Variants in LOXL3 observed in about 807,000 individuals in gnomAD.
The protein encoded by LOXL3 is lysyl oxidase homolog 3.
A neutral mutation model predicts 91.8 loss-of-function variants in LOXL3; 60 were observed. The ratio of observed to expected loss-of-function variants is 0.65; its 90% CI spans 0.53 to 0.81. The LOEUF is 0.81. LOXL3 is among the 30% of genes least tolerant of loss of function. LOXL3 has a pLI of 0.00. For missense variants in LOXL3, 874 were observed against 1,000.4 expected, an observed-to-expected ratio of 0.87 and a Z score of 1.70; for synonymous variants, 355 against 387.6, an observed-to-expected ratio of 0.92 and a Z score of 0.99.
At chr2:74,541,740 G>A (rs1008418844) in intron 4 of LOXL3, among the ~76,000 whole-genome samples, 3 of 151,256 alleles carry the variant, frequency 2.0e-5, no homozygotes, top group Non-Finnish European at 4.4e-5. Context: ...ATTATTTAAG[G>A]ACCTTATATC....
At chr2:74,542,718 T>C (rs1676395015) in intron 4 of LOXL3, among the ~76,000 whole-genome samples, 1 of 151,798 alleles carries the variant, frequency 6.6e-6, no homozygotes, top group African/African-American at 2.4e-5. Flanking sequence ...CTCCGCCTCC[T>C]GGGCTCAGCA....
chr2:74,543,760 G>C (rs1676447475), intron 4 of LOXL3, among the ~76,000 whole-genome samples: 1 of 151,444 alleles, frequency 6.6e-6, no homozygotes, highest in Non-Finnish European at 1.5e-5. Context: ...AATTAGCTGG[G>C]CATGGTGGCG....
At position 74,549,255 on chromosome 2, in the gene LOXL3, G is replaced by T. The variant is rs1676826717; in HGVS notation, c.692+114C>A. ...CAACGGCCTCCATATTTTCCCGCGC[G>T]TCCCGACCCCCGGGTCCTCCCGTGC... On this transcript the variant is annotated intron_variant, in intron 4 of 13. Transcript: ENST00000264094. This position sits in a 1 kb window ranked among gnomAD's most constrained non-coding sequence, Gnocchi z 5.3. 2 of 1,228,240 alleles carry T rather than the reference G, an allele frequency of 1.6e-6. No homozygotes were observed. Among genetic ancestry groups the T allele is most frequent in the Admixed American group, 3.1e-5 (1 of 32,136 alleles). 76.1% of individuals were successfully genotyped at this position (1,228,240 alleles called of 1,614,324 possible).
At chr2:74,553,612 G>C (rs1677170809) in intron 1 of LOXL3, among the ~76,000 whole-genome samples, 2 of 152,316 alleles carry the variant, frequency 1.3e-5, no homozygotes, top group Admixed American at 6.5e-5. Context: ...GCTTTGTTCT[G>C]GGTTGGGGAC....
In LOXL3 at chr2:74,536,121, G is replaced by A. The variant is rs114785633; in HGVS notation, c.1123C>T (p.Arg375Cys). Reference sequence around the variant, plus strand: ...AGGGAGAGCTCCTGTCCAGAGCAGCGAACTTCACTCAGGTGGATAGCACCC... The same window carrying A: ...AGGGAGAGCTCCTGTCCAGAGCAGCAAACTTCACTCAGGTGGATAGCACCC... Reference protein sequence around the residue: ...GMGAIHLSEVRCSGQELSLWK... With the variant: ...GMGAIHLSEVCCSGQELSLWK... Residue 375 changes from arginine to cysteine, a missense_variant, in exon 7 of 14, where the codon CGC (arginine) becomes TGC (cysteine). Coordinates refer to ENST00000264094, the MANE Select transcript of LOXL3 (RefSeq NM_032603.5). This position sits in a 1 kb window ranked among gnomAD's most constrained non-coding sequence, Gnocchi z 4.5. 1.0e-3 allele frequency: 1,625 copies of A among 1,613,912 alleles called. 15 individuals are homozygous for A. In the African/African-American group the frequency reaches 0.014, roughly 14 times the overall value.
rs116036822 is a variant in LOXL3, at chr2:74,550,881, C to T, written c.314-533G>A. 4.9e-3 allele frequency among the ~76,000 whole-genome samples: 750 copies of T among 151,640 alleles called. 9 individuals are homozygous for T. The highest frequency in any genetic ancestry group is 0.017 in the African/African-American group (711 of 41,310). On this transcript the variant is annotated intron_variant, in intron 2 of 13. Transcript: ENST00000264094. Reference sequence around the variant, plus strand: ...ACATCCTTGCATTCTCTCTTGTGCCCGCCCTGTCTGTGCTGCCATATAGCC... The same window carrying T: ...ACATCCTTGCATTCTCTCTTGTGCCTGCCCTGTCTGTGCTGCCATATAGCC...
rs1676885283 is a variant in LOXL3, at chr2:74,549,834, G to T, written c.478-251C>A. ...AGGAAGGAGGCCCTCCCTGTGCCTGGAGCAGGAGGGAGCACTTCAAAAAGG... is the reference window on the plus strand; with the variant it reads ...AGGAAGGAGGCCCTCCCTGTGCCTGTAGCAGGAGGGAGCACTTCAAAAAGG... On this transcript the variant is annotated intron_variant, in intron 3 of 13. Transcript: ENST00000264094. This position sits in a 1 kb window ranked among gnomAD's most constrained non-coding sequence, Gnocchi z 5.3. 1.0e-6 allele frequency: 1 copy of T among 985,434 alleles called. No individual in the cohort carries two copies. The highest frequency in any genetic ancestry group is 1.7e-5 in the African/African-American group (1 of 57,368). The allele number at this position is 985,434 out of a possible 1,614,324, so 61.0% of individuals were successfully genotyped here. A position where few individuals can be genotyped will look rare whatever the true frequency, so the allele number is the denominator to read the frequency against.
upstream of LOXL3, chr2:74,554,459 A>G (rs981533047): frequency 8.2e-6 from 4 of 490,618 alleles, no homozygotes; most frequent in African/African-American, 6.2e-5. The surrounding 1 kb of genome is among the most constrained non-coding windows in gnomAD (Gnocchi z 4.9). Flanking sequence ...ATATGACGTC[A>G]CGCGCAGCCA....
chr2:74,540,711 G>A (rs947744497), intron 4 of LOXL3, among the ~76,000 whole-genome samples: 1 of 143,404 alleles, frequency 7.0e-6, no homozygotes, highest in Admixed American at 6.8e-5. Context: ...TGTCACCCAG[G>A]CTGCAGTGAG....
upstream of LOXL3, chr2:74,555,410 C>G (rs1419311632): frequency 6.2e-7 from 1 of 1,611,306 alleles, no homozygotes; most frequent in Non-Finnish European, 8.5e-7. The surrounding 1 kb of genome is among the most constrained non-coding windows in gnomAD (Gnocchi z 6.1). Context: ...GACGCGCCGT[C>G]CAGTGCAGCC....
chr2:74,555,496 C>A, upstream of LOXL3: 1 of 1,610,330 alleles, frequency 6.2e-7, no homozygotes. This position sits in a 1 kb window ranked among gnomAD's most constrained non-coding sequence, Gnocchi z 6.1. Flanking sequence ...GTTACAGAGG[C>A]AGAGAAATGG....
intron 4 of LOXL3, among the ~76,000 whole-genome samples, chr2:74,541,087 G>A (rs957440904): frequency 6.6e-6 from 1 of 152,166 alleles, no homozygotes; most frequent in African/African-American, 2.4e-5. Context: ...ACCTCCATCT[G>A]TACTGAACAC....
chr2:74,549,528 C>T lies in LOXL3; in HGVS notation c.533G>A (p.Gly178Asp), dbSNP rs926024104. The T allele has an allele frequency of 1.9e-6, 3 of 1,613,104 alleles. No homozygotes were observed. The highest frequency in any genetic ancestry group is 1.3e-5 in the African/African-American group (1 of 75,058). The change falls in exon 4 of 14, where the codon GGC (glycine) becomes GAC (aspartate). Residue 178 changes from glycine to aspartate, a missense_variant. Physicochemically the swap from Gly to Asp is moderately conservative, Grantham distance 94. Transcript: ENST00000264094. The surrounding 1 kb of genome is among the most constrained non-coding windows in gnomAD (Gnocchi z 5.3). ...EVRIRPAVGW[G>D]RRPLPVTEGL... is the part of the protein sequence containing the mutation. ...CTCCGTCACGGGCAGGGGTCGTCTG[C>T]CCCACCCAACGGCGGGTCGAATTCG...
At chr2:74,552,222 G>T (rs1677058297) in intron 2 of LOXL3, 100 bp downstream of exon 2, 2 of 1,058,430 alleles carry the variant, frequency 1.9e-6, no homozygotes, top group Non-Finnish European at 1.4e-6. Flanking sequence ...GCTGTTCTTG[G>T]TGTCGTGTGT....
rs754453031 is a variant in LOXL3, at chr2:74,532,723, G to C, written c.*883C>G. 14 of 1,612,538 alleles carry C rather than the reference G, an allele frequency of 8.7e-6. No individual in the cohort carries two copies. Among genetic ancestry groups the C allele is most frequent in the Non-Finnish European group, 1.1e-5 (13 of 1,178,676 alleles). On this transcript the variant is annotated 3_prime_UTR_variant, in exon 14 of 14. Coordinates refer to ENST00000264094, the MANE Select transcript of LOXL3 (RefSeq NM_032603.5). ...GGCTCCCCTGCACACCGGTGAGGGA[G>C]AGGCTGCAGTGTGATATGGGGATGG...
In LOXL3 at chr2:74,535,828, C is replaced by T; in HGVS notation, c.1249-73G>A. ...TAGTGGGAGTCTCTAACAGATGTGG[C>T]TGAAGCGTGACTCAGGCACATAATG... On this transcript the variant is annotated intron_variant, in intron 7 of 13. Transcript: ENST00000264094. The surrounding 1 kb of genome is among the most constrained non-coding windows in gnomAD (Gnocchi z 4.2). The T allele has an allele frequency of 6.6e-7, 1 of 1,506,126 alleles. No homozygotes were observed. The highest frequency in any genetic ancestry group is 1.8e-4 in the Middle Eastern group (1 of 5,592). The allele number at this position is 1,506,126 out of a possible 1,614,324, so 93.3% of individuals were successfully genotyped here. A position where few individuals can be genotyped will look rare whatever the true frequency, so the allele number is the denominator to read the frequency against.
intron 4 of LOXL3, among the ~76,000 whole-genome samples, chr2:74,546,459 T>C (rs1676595649): frequency 6.6e-6 from 1 of 152,036 alleles, no homozygotes; most frequent in South Asian, 2.1e-4. Context: ...CTCCTACCAT[T>C]TTCTTCTTTT....
chr2:74,533,853 C>T (rs1675812609), intron 13 of LOXL3, 29 bp downstream of exon 13: 1 of 1,572,554 alleles, frequency 6.4e-7, no homozygotes, highest in East Asian at 2.2e-5. Flanking sequence ...ATCCCCTAAT[C>T]TTCCTGGGTT....
Position 74,536,103 on chromosome 2 carries a change from GCTC to G in LOXL3, c.1138_1140del (p.Glu380del). ...TTGTGGGGGCACTTCCAGAGGGAGA[GCTC>G]CTGTCCAGAGCAGCGAACTTCACTC... On this transcript the variant is annotated inframe_deletion, in exon 7 of 14. Transcript: ENST00000264094. This position sits in a 1 kb window ranked among gnomAD's most constrained non-coding sequence, Gnocchi z 4.5. 6.2e-7 allele frequency: 1 copy of G among 1,614,010 alleles called. No individual in the cohort carries two copies. Among genetic ancestry groups the G allele is most frequent in the Non-Finnish European group, 8.5e-7 (1 of 1,179,982 alleles).
Sources: allele counts gnomAD v4.1 joint callset (sites outside exome capture counted in the v4.1 genomes callset), GRCh38; gene constraint gnomAD v4.1.1; non-coding constraint Gnocchi (gnomAD v3.1); transcripts MANE v1.5; gene names NCBI Gene and HGNC (gene_info 2026-07-23, HGNC 2026-07-21).